ADPRHL1: variants seen among roughly 807,000 people sequenced by gnomAD.
ADPRHL1 encodes the protein ADP-ribosylhydrolase like 1.
Under a neutral mutation model 44.1 loss-of-function variants are expected in ADPRHL1, and 43 were observed. That is an observed-to-expected ratio of 0.98 (90% confidence interval 0.76 to 1.26). The LOEUF (loss-of-function observed/expected upper bound fraction) is 1.26, where lower values mean the gene tolerates loss of function less well. Among genes scored for constraint, ADPRHL1 ranks in the 50% most tolerant of loss-of-function variants. The pLI is 0.00. For missense variants in ADPRHL1, 2,022 were observed against 2,496.9 expected, an observed-to-expected ratio of 0.81 and a Z score of 4.05; for synonymous variants, 878 against 1,017.4, an observed-to-expected ratio of 0.86 and a Z score of 2.61.
chr13:113,411,964 C>T (rs2043855518), intron 7 of ADPRHL1, among the ~76,000 whole-genome samples: 1 of 152,232 alleles, frequency 6.6e-6, no homozygotes, highest in Non-Finnish European at 1.5e-5. Context: ...CACTATTGCG[C>T]TCACCCTCTC....
At chr13:113,429,576 A>C (rs986237909) in intron 3 of ADPRHL1, among the ~76,000 whole-genome samples, 4 of 152,192 alleles carry the variant, frequency 2.6e-5, no homozygotes, top group African/African-American at 7.2e-5. Context: ...TGGATGCATG[A>C]GCTGCCTCCG....
chr13:113,445,747 G>C (rs1006371346), intron 1 of ADPRHL1, among the ~76,000 whole-genome samples: 1 of 152,176 alleles, frequency 6.6e-6, no homozygotes, highest in African/African-American at 2.4e-5. Context: ...ATCAGAGCCA[G>C]ATGTCCTAGC....
At chr13:113,452,199 G>A (rs1344121693) in intron 1 of ADPRHL1, among the ~76,000 whole-genome samples, 1 of 152,192 alleles carries the variant, frequency 6.6e-6, no homozygotes, top group Non-Finnish European at 1.5e-5. Flanking sequence ...GCACACGAGT[G>A]GCCGCCTGGA....
intron 7 of ADPRHL1, among the ~76,000 whole-genome samples, chr13:113,419,097 C>CCCTCCCTTCCTTCCTCCCTTCCTT (rs2043902822): frequency 2.3e-4 from 1 of 4,422 alleles, no homozygotes; most frequent in African/African-American, 7.3e-4. Flanking sequence ...TTCCCTCCCT[C>CCCTCCCTTCCTTCCTCCCTTCCTT]CCTTTCTTTT....
At chr13:113,450,557 G>A (rs1472397819) in intron 1 of ADPRHL1, among the ~76,000 whole-genome samples, 1 of 152,212 alleles carries the variant, frequency 6.6e-6, no homozygotes, top group African/African-American at 2.4e-5. Context: ...ATACAAGGCA[G>A]AAGGGGCAGG....
In ADPRHL1 at chr13:113,405,988, G is replaced by C; in HGVS notation, c.3294C>G (p.Ser1098=). 1.6e-6 allele frequency: 2 copies of C among 1,232,126 alleles called. No individual in the cohort carries two copies. The highest frequency in any genetic ancestry group is 2.0e-6 in the Non-Finnish European group (2 of 988,040). The allele number at this position is 1,232,126 out of a possible 1,614,324, so 76.3% of individuals were successfully genotyped here. A position where few individuals can be genotyped will look rare whatever the true frequency, so the allele number is the denominator to read the frequency against. The change falls in exon 8 of 8, where the codon TCC becomes TCG. Residue 1098 remains serine (S), a synonymous_variant. Coordinates refer to ENST00000612156, the MANE Select transcript of ADPRHL1 (RefSeq NM_001394807.1). The part of the protein sequence containing the change: ...TSHDVRENPL[S]SLNEPPKPGM... ...CTGGTTTGGGTGGTTCATTTAATGA[G>C]GACAGTGGGTTCTCGCGAACATCAT...
intron 2 of ADPRHL1, among the ~76,000 whole-genome samples, chr13:113,439,886 A>G (rs1693212619): frequency 6.6e-6 from 1 of 152,200 alleles, no homozygotes; most frequent in Non-Finnish European, 1.5e-5. Flanking sequence ...ATTGTGAATA[A>G]TATTCCCTTA....
chr13:113,439,471 C>T (rs1300541621), intron 2 of ADPRHL1, among the ~76,000 whole-genome samples: 17 of 139,510 alleles, frequency 1.2e-4, no homozygotes, highest in East Asian at 2.2e-4. Context: ...TTTCCTGAGA[C>T]GGCGTCTTGC....
chr13:113,417,292 C>T (rs1398390218), intron 7 of ADPRHL1, among the ~76,000 whole-genome samples: 1 of 152,238 alleles, frequency 6.6e-6, no homozygotes, highest in Non-Finnish European at 1.5e-5. Context: ...TGCAGCCTGT[C>T]TTGCCCGAGG....
rs181887145 is a variant in ADPRHL1 at position 113,405,866 on chromosome 13, C to A, written c.3416G>T (p.Arg1139Leu). 3 of 1,231,978 alleles carry A rather than the reference C, an allele frequency of 2.4e-6. No homozygotes were observed. Among genetic ancestry groups the A allele is most frequent in the African/African-American group, 3.1e-5 (2 of 64,546 alleles). The allele number at this position is 1,231,978 out of a possible 1,614,324, so 76.3% of individuals were successfully genotyped here. ...APGSTQSPGDRTAGEPETLGQ... is the reference protein window; with the variant it reads ...APGSTQSPGDLTAGEPETLGQ... ...CAGCGTCTCTGGCTCTCCCGCTGTG[C>A]GGTCTCCAGGGCTCTGGGTGCTGCC... Residue 1139 changes from arginine (R) to leucine (L), a missense_variant, in exon 8 of 8, where the codon CGC (arginine) becomes CTC (leucine). Arg to Leu is a moderately radical substitution (Grantham distance 102, BLOSUM62 -2). Coordinates refer to ENST00000612156, the MANE Select transcript of ADPRHL1 (RefSeq NM_001394807.1).
chr13:113,428,113 G>A (rs531560040), intron 4 of ADPRHL1, among the ~76,000 whole-genome samples: 60 of 152,182 alleles, frequency 3.9e-4, no homozygotes, highest in African/African-American at 1.4e-3. Flanking sequence ...GCGTGGTGAC[G>A]GACGCCTGTA....
chr13:113,433,608 T>A, intron 3 of ADPRHL1, 134 bp downstream of exon 3: 1 of 1,413,672 alleles, frequency 7.1e-7, no homozygotes, highest in Non-Finnish European at 9.4e-7. Flanking sequence ...AGCTTCTGTC[T>A]CCTTTAAGCA....
intron 7 of ADPRHL1, among the ~76,000 whole-genome samples, chr13:113,417,156 C>A (rs1028748304): frequency 3.9e-5 from 6 of 152,228 alleles, no homozygotes; most frequent in Non-Finnish European, 7.3e-5. Flanking sequence ...TGCACCAGCA[C>A]CCCACTGGCA....
intron 7 of ADPRHL1, among the ~76,000 whole-genome samples, chr13:113,412,343 A>G (rs959966642): frequency 2.0e-5 from 3 of 151,990 alleles, no homozygotes; most frequent in Non-Finnish European, 4.4e-5. Flanking sequence ...ACGCCCGGCT[A>G]ATTTTTTGTA....
chr13:113,426,559 C>T (rs2043970116), intron 4 of ADPRHL1, among the ~76,000 whole-genome samples: 1 of 152,256 alleles, frequency 6.6e-6, no homozygotes, highest in African/African-American at 2.4e-5. Context: ...AGCCCTGGAC[C>T]AGGACCTGGA....
chr13:113,444,339 G>A, intron 2 of ADPRHL1, 86 bp downstream of exon 2: 1 of 1,524,318 alleles, frequency 6.6e-7, no homozygotes, highest in Non-Finnish European at 8.9e-7. Flanking sequence ...ACCTGGAGAT[G>A]CTGGGGGTTA....
chr13:113,411,583 G>A (rs910730946), intron 7 of ADPRHL1, among the ~76,000 whole-genome samples: 17 of 152,224 alleles, frequency 1.1e-4, no homozygotes, highest in African/African-American at 3.6e-4. Context: ...TGTCACAGCC[G>A]GCTTTCACCC....
intron 2 of ADPRHL1, among the ~76,000 whole-genome samples, chr13:113,440,512 G>A (rs1012198814): frequency 1.3e-5 from 2 of 150,584 alleles, no homozygotes; most frequent in African/African-American, 2.5e-5. Flanking sequence ...CTGGAGTGCA[G>A]TGGCACGATC....
chr13:113,435,149 C>T (rs1169133563), intron 2 of ADPRHL1, among the ~76,000 whole-genome samples: 2 of 46,002 alleles, frequency 4.3e-5, no homozygotes, highest in Admixed American at 2.6e-4. Context: ...CCGGCACCCA[C>T]GCATAGAGTG....
Sources: allele counts gnomAD v4.1 joint callset (sites outside exome capture counted in the v4.1 genomes callset), GRCh38; gene constraint gnomAD v4.1.1; transcripts MANE v1.5; gene names NCBI Gene and HGNC (gene_info 2026-07-23, HGNC 2026-07-21).